WWC2: variants seen among roughly 807,000 people sequenced by gnomAD.
WWC2 encodes WW and C2 domain containing 2.
A neutral mutation model predicts 138.5 loss-of-function variants in WWC2; 101 were observed. The ratio of observed to expected loss-of-function variants is 0.73; its 90% CI spans 0.62 to 0.86. WWC2 has a LOEUF of 0.86. WWC2 is among the 40% of genes least tolerant of loss of function. WWC2 has a pLI of 0.00. For synonymous variants in WWC2, 558 were observed against 538.4 expected (o/e 1.04, Z -0.50); for missense variants, 1,420 against 1,419.4 (o/e 1.00, Z -0.01).
At chr4:183,189,994 CCA>C (rs1450222202) in intron 1 of WWC2, among the ~76,000 whole-genome samples, 1 of 152,150 alleles carries the variant, frequency 6.6e-6, no homozygotes, top group African/African-American at 2.4e-5. Context: ...AGAAGAAATA[CCA>C]CACAGAGTTA....
intron 1 of WWC2, among the ~76,000 whole-genome samples, chr4:183,121,084 G>A (rs1305877854): frequency 3.3e-5 from 5 of 152,122 alleles, no homozygotes; most frequent in African/African-American, 9.7e-5. Flanking sequence ...CAGGCATGGC[G>A]GTGCGCACCT....
intron 1 of WWC2, among the ~76,000 whole-genome samples, chr4:183,125,683 T>C (rs776691352): frequency 3.3e-5 from 5 of 152,214 alleles, no homozygotes; most frequent in Non-Finnish European, 7.3e-5. Flanking sequence ...TTTTTAGGAA[T>C]TGTTTTAATA....
intron 21 of WWC2, among the ~76,000 whole-genome samples, chr4:183,294,434 T>G (rs755317481): frequency 1.6e-4 from 24 of 152,304 alleles, no homozygotes; most frequent in Non-Finnish European, 3.2e-4. Flanking sequence ...AATTAAGAGA[T>G]TGGTCATGGC....
chr4:183,135,919 C>T (rs1240581341), intron 1 of WWC2, among the ~76,000 whole-genome samples: 1 of 152,142 alleles, frequency 6.6e-6, no homozygotes, highest in Non-Finnish European at 1.5e-5. Flanking sequence ...TTAAAATCAG[C>T]TAACAGTATG....
In WWC2 at chr4:183,193,686, C is replaced by G; in HGVS notation, c.219C>G (p.Val73=). Residue 73 remains valine, a synonymous_variant, in exon 2 of 23, where the codon GTC becomes GTG. Transcript: ENST00000403733. Reference sequence around the variant, plus strand: ...CAGGGTTTGACCCTCAGATTGGTGTCTACTACATCGATCACATCAACAGTA... The same window carrying G: ...CAGGGTTTGACCCTCAGATTGGTGTGTACTACATCGATCACATCAACAGTA... ...WEAGFDPQIG[V]YYIDHINKTT... The G allele has an allele frequency of 6.2e-7, 1 of 1,613,498 alleles. No individual in the cohort carries two copies. The highest frequency in any genetic ancestry group is 8.5e-7 in the Non-Finnish European group (1 of 1,179,666).
chr4:183,146,151 T>C (rs2111106194), intron 1 of WWC2, among the ~76,000 whole-genome samples: 1 of 152,334 alleles, frequency 6.6e-6, no homozygotes, highest in East Asian at 1.9e-4. Context: ...AGAATGGTGG[T>C]CCCAGTCCTT....
intron 5 of WWC2, 99 bp downstream of exon 5, chr4:183,240,361 G>T: frequency 1.1e-6 from 1 of 889,366 alleles, no homozygotes; most frequent in South Asian, 3.0e-5. Flanking sequence ...ATTTCTTAAA[G>T]AAACGTAAAG....
At chr4:183,314,739 A>C (rs1486799553) in intron 22 of WWC2, among the ~76,000 whole-genome samples, 1 of 152,264 alleles carries the variant, frequency 6.6e-6, no homozygotes, top group Non-Finnish European at 1.5e-5. Context: ...CTCCGCTGAC[A>C]TCACACCTAC....
chr4:183,248,256 G>A (rs1736859396), intron 6 of WWC2, among the ~76,000 whole-genome samples: 1 of 152,166 alleles, frequency 6.6e-6, no homozygotes, highest in Non-Finnish European at 1.5e-5. Context: ...AATCTCTTGG[G>A]TCCTGTCCAG....
At chr4:183,223,790 C>A (rs1057043964) in intron 4 of WWC2, among the ~76,000 whole-genome samples, 3 of 152,074 alleles carry the variant, frequency 2.0e-5, no homozygotes, top group South Asian at 2.1e-4. Context: ...AAGGGCAGTG[C>A]GGCAATCTCG....
At chr4:183,105,803 T>C (rs1215778103) in intron 1 of WWC2, among the ~76,000 whole-genome samples, 2 of 150,656 alleles carry the variant, frequency 1.3e-5, no homozygotes, top group Non-Finnish European at 2.9e-5. Context: ...GGCAGGAGAA[T>C]GGCGTGAACC....
intron 2 of WWC2, among the ~76,000 whole-genome samples, chr4:183,199,973 C>T (rs971983948): frequency 2.6e-5 from 4 of 152,194 alleles, no homozygotes; most frequent in African/African-American, 9.7e-5. Context: ...ATAATCTTCA[C>T]AAATCTATTC....
At chr4:183,261,706 T>C (rs1205508888) in intron 11 of WWC2, among the ~76,000 whole-genome samples, 174 bp downstream of exon 11, 3 of 152,230 alleles carry the variant, frequency 2.0e-5, no homozygotes, top group African/African-American at 7.2e-5. Flanking sequence ...ATATTTTTCA[T>C]TATCAAATAA....
At chr4:183,249,708 TAG>T (rs375032578) in intron 7 of WWC2, among the ~76,000 whole-genome samples, 18 of 152,332 alleles carry the variant, frequency 1.2e-4, no homozygotes, top group African/African-American at 4.1e-4. Flanking sequence ...AAAATAATGT[TAG>T]AGTCTTTGAA....
At chr4:183,101,561 C>A (rs1173126953) in intron 1 of WWC2, among the ~76,000 whole-genome samples, 1 of 152,148 alleles carries the variant, frequency 6.6e-6, no homozygotes, top group Non-Finnish European at 1.5e-5. Context: ...TTAAAAGATA[C>A]TCTGTTGAGA....
chr4:183,240,315 A>G (rs1262597140), intron 5 of WWC2, 53 bp downstream of exon 5: 20 of 1,371,906 alleles, frequency 1.5e-5, no homozygotes, highest in African/African-American at 8.9e-5. Context: ...AACTAGTATG[A>G]ATACAAAGAA....
At chr4:183,268,825 G>A (rs367826238) in intron 14 of WWC2, 146 bp from the exon 15 acceptor site, 150 of 905,368 alleles carry the variant, frequency 1.7e-4, no homozygotes, top group East Asian at 1.1e-3. Context: ...AGCTGAGCAC[G>A]GACCCGTGAT....
At chr4:183,207,123 G>GA (rs545066896) in intron 2 of WWC2, among the ~76,000 whole-genome samples, 96 of 152,178 alleles carry the variant, frequency 6.3e-4, no homozygotes, top group African/African-American at 2.2e-3. Context: ...CTGCTCAATG[G>GA]AATCACCTGA....
At chr4:183,189,052 A>AT (rs962631052) in intron 1 of WWC2, among the ~76,000 whole-genome samples, 12 of 151,440 alleles carry the variant, frequency 7.9e-5, no homozygotes, top group Non-Finnish European at 1.5e-4. Flanking sequence ...CTTGAAAGCC[A>AT]TTTTTTTTCT....
Sources: gnomAD v4.1 joint callset for allele counts (sites outside exome capture counted in the v4.1 genomes callset) on GRCh38, gnomAD v4.1.1 for gene constraint, MANE v1.5 for transcripts, NCBI Gene and HGNC (gene_info 2026-07-23, HGNC 2026-07-21) for gene names.